IGFBP7: variants seen among roughly 807,000 people sequenced by gnomAD.
IGFBP7 encodes the protein insulin-like growth factor-binding protein 7.
In IGFBP7, 31 loss-of-function variants were observed where a neutral mutation model predicts 29.4. That is an observed-to-expected ratio of 1.05 (90% confidence interval 0.79 to 1.42). IGFBP7 has a LOEUF of 1.42. Ranked by LOEUF, IGFBP7 falls within the 40% of genes most tolerant of loss-of-function variation. The pLI, the probability that IGFBP7 is intolerant of heterozygous loss-of-function variation, is 0.00. For missense variants in IGFBP7, 393 were observed against 395.5 expected, an observed-to-expected ratio of 0.99 and a Z score of 0.05; for synonymous variants, 172 against 174.9, an observed-to-expected ratio of 0.98 and a Z score of 0.13.
intron 1 of IGFBP7, among the ~76,000 whole-genome samples, chr4:57,066,173 G>C (rs192635710): frequency 1.3e-5 from 2 of 152,254 alleles, no homozygotes; most frequent in East Asian, 1.9e-4. Context: ...ACTTACTCTG[G>C]TGACGCACTT....
intron 1 of IGFBP7, among the ~76,000 whole-genome samples, chr4:57,086,206 C>G (rs1021050769): frequency 6.6e-6 from 1 of 152,200 alleles, no homozygotes; most frequent in Non-Finnish European, 1.5e-5. Flanking sequence ...GTGAGACTTA[C>G]TCACTGTCAT....
chr4:57,090,684 C>G (rs889497503), intron 1 of IGFBP7, among the ~76,000 whole-genome samples: 3 of 151,894 alleles, frequency 2.0e-5, no homozygotes, highest in African/African-American at 7.3e-5. Flanking sequence ...TAAAAATACC[C>G]ATACACACAC....
At chr4:57,107,678 T>C (rs1726066320) in intron 1 of IGFBP7, among the ~76,000 whole-genome samples, 1 of 152,194 alleles carries the variant, frequency 6.6e-6, no homozygotes, top group African/African-American at 2.4e-5. Flanking sequence ...TGAGAAGAAA[T>C]GGCTAATTTA....
chr4:57,041,350 T>C (rs1724221884), intron 1 of IGFBP7, among the ~76,000 whole-genome samples: 1 of 151,968 alleles, frequency 6.6e-6, no homozygotes, highest in African/African-American at 2.4e-5. Flanking sequence ...GCTCCATGGG[T>C]AATGAAGAAA....
At chr4:57,044,727 CTT>C (rs1724317150) in intron 1 of IGFBP7, among the ~76,000 whole-genome samples, 1 of 152,212 alleles carries the variant, frequency 6.6e-6, no homozygotes. Flanking sequence ...ATGTGTCTAT[CTT>C]TGCACCAATA....
intron 1 of IGFBP7, among the ~76,000 whole-genome samples, chr4:57,099,852 C>T (rs1390416176): frequency 6.6e-6 from 1 of 151,842 alleles, no homozygotes; most frequent in Admixed American, 6.6e-5. Context: ...ACACCTCAGC[C>T]TCCCAAGTAG....
intron 1 of IGFBP7, among the ~76,000 whole-genome samples, chr4:57,070,392 A>T (rs1003920124): frequency 2.0e-5 from 3 of 152,214 alleles, no homozygotes; most frequent in Non-Finnish European, 4.4e-5. Flanking sequence ...AAAAAATTTG[A>T]TTGTCTTATT....
intron 1 of IGFBP7, among the ~76,000 whole-genome samples, chr4:57,061,914 C>T (rs538540793): frequency 3.9e-5 from 6 of 152,278 alleles, no homozygotes; most frequent in Admixed American, 1.3e-4. Flanking sequence ...CCTCCTGCCT[C>T]GGCCTCCCAA....
At chr4:57,039,525 C>A (rs1724168100) in intron 2 of IGFBP7, among the ~76,000 whole-genome samples, 1 of 152,122 alleles carries the variant, frequency 6.6e-6, no homozygotes, top group Admixed American at 6.6e-5. Context: ...TAAACATCTT[C>A]CAAAGCACAG....
Position 57,109,958 on chromosome 4 carries a change from G to A in IGFBP7, c.394C>T (p.Gln132Ter). 6.4e-7 allele frequency: 1 copy of A among 1,551,818 alleles called. No individual in the cohort carries two copies. ...SDGTTYPSGC[Q>*]LRAASQRAES... is the part of the protein sequence containing the mutation. ...GCCCTCTGGCTGGCGGCGCGCAGCT[G>A]GCAGCCGCTCGGGTAGGTGGTGCCG... Residue 132 changes from glutamine to a stop codon, truncating the protein, a stop_gained, in exon 1 of 5, where the codon CAG becomes TAG. Coordinates refer to ENST00000295666, the MANE Select transcript of IGFBP7 (RefSeq NM_001553.3). LOFTEE classifies it high-confidence loss of function.
At chr4:57,069,116 TA>T (rs756335133) in intron 1 of IGFBP7, among the ~76,000 whole-genome samples, 1 of 152,158 alleles carries the variant, frequency 6.6e-6, no homozygotes, top group East Asian at 1.9e-4. Context: ...GGCCTCCTTC[TA>T]GGGGTGTTTT....
intron 1 of IGFBP7, among the ~76,000 whole-genome samples, chr4:57,084,788 GTTTTTTTTT>G (rs57704332): frequency 3.5e-5 from 4 of 113,106 alleles, no homozygotes; most frequent in Non-Finnish European, 5.2e-5. Context: ...TTTAAAAAAG[GTTTTTTTTT>G]TTTTTTTTTT....
rs369939891 is a variant in IGFBP7, at chr4:57,044,468, A to G, written c.476-3535T>C. Among the ~76,000 whole-genome samples, 22 of 152,252 alleles carry G rather than the reference A, an allele frequency of 1.4e-4. No homozygotes were observed. In the East Asian group the frequency reaches 2.9e-3, roughly 20 times the overall value. On this transcript the variant is annotated intron_variant, in intron 1 of 4. Transcript: ENST00000295666. ...ATGAAGATCTCCTGTTTTCTTCTACAAGCTTTATGGTTTTACTTTTCACAT... is the reference window on the plus strand; with the variant it reads ...ATGAAGATCTCCTGTTTTCTTCTACGAGCTTTATGGTTTTACTTTTCACAT...
intron 1 of IGFBP7, chr4:57,072,943 C>A (rs1725091701): frequency 1.3e-6 from 1 of 786,888 alleles, no homozygotes; most frequent in Non-Finnish European, 2.2e-6. Flanking sequence ...GCCTGGACAT[C>A]CTGAAGGACA....
intron 1 of IGFBP7, among the ~76,000 whole-genome samples, chr4:57,056,416 T>TA (rs1280445965): frequency 4.0e-4 from 61 of 152,232 alleles, no homozygotes; most frequent in Middle Eastern, 6.8e-3. Context: ...TTACTGTGTG[T>TA]TTGAGTTCAG....
chr4:57,052,007 G>C lies in IGFBP7; in HGVS notation c.476-11074C>G, dbSNP rs35377510. 5.2e-3 allele frequency among the ~76,000 whole-genome samples: 787 copies of C among 152,242 alleles called. 3 individuals are homozygous for C. The highest frequency in any genetic ancestry group is 9.1e-3 in the Non-Finnish European group (618 of 68,010). On this transcript the variant is annotated intron_variant, in intron 1 of 4. Coordinates refer to ENST00000295666, the MANE Select transcript of IGFBP7 (RefSeq NM_001553.3). ...GGAAGAGGATTCGTGTGTGGTGTAGGGCACAGCAGAAAGCAGATGAGGTGG... is the reference window on the plus strand; with the variant it reads ...GGAAGAGGATTCGTGTGTGGTGTAGCGCACAGCAGAAAGCAGATGAGGTGG...
intron 1 of IGFBP7, among the ~76,000 whole-genome samples, chr4:57,066,974 G>T (rs1460484901): frequency 3.4e-4 from 49 of 142,676 alleles, no homozygotes; most frequent in Admixed American, 2.3e-3. Context: ...TTTTTGGAAG[G>T]TTTTTTTTTT....
intron 1 of IGFBP7, among the ~76,000 whole-genome samples, chr4:57,075,376 G>T (rs1472036424): frequency 6.6e-6 from 1 of 152,070 alleles, no homozygotes; most frequent in African/African-American, 2.4e-5. Context: ...TCCTTAATCT[G>T]TGTTATTTTT....
intron 1 of IGFBP7, among the ~76,000 whole-genome samples, chr4:57,066,991 G>A (rs1334887730): frequency 1.4e-5 from 2 of 142,176 alleles, no homozygotes; most frequent in African/African-American, 5.2e-5. Context: ...TTTTTTTGGT[G>A]TGTTTTTAGT....
Sources: gnomAD v4.1 joint callset for allele counts (sites outside exome capture counted in the v4.1 genomes callset) on GRCh38, gnomAD v4.1.1 for gene constraint, MANE v1.5 for transcripts, NCBI Gene and HGNC (gene_info 2026-07-23, HGNC 2026-07-21) for gene names.